The following NLRP5 variants were observed in gnomAD, a reference collection of about 807,000 sequenced individuals.
The protein encoded by NLRP5 is NLR family pyrin domain containing 5.
Under a neutral mutation model 113.1 loss-of-function variants are expected in NLRP5, and 93 were observed. The ratio of observed to expected loss-of-function variants is 0.82; its 90% CI spans 0.70 to 0.98. The LOEUF (loss-of-function observed/expected upper bound fraction) is 0.98. Ranked by LOEUF, NLRP5 falls within the 50% of genes least tolerant of loss-of-function variation. The pLI is 0.00. For synonymous variants in NLRP5, 751 were observed against 600.7 expected (o/e 1.25, Z -3.66); for missense variants, 1,808 against 1,514.3 (o/e 1.19, Z -3.22).
chr19:56,034,149 G>A (rs1047996063), intron 9 of NLRP5, among the ~76,000 whole-genome samples: 3 of 152,164 alleles, frequency 2.0e-5, no homozygotes, highest in African/African-American at 7.2e-5. Flanking sequence ...AGCACTTTGG[G>A]AGGCCGAGGC....
intron 10 of NLRP5, among the ~76,000 whole-genome samples, chr19:56,038,890 C>T (rs930830666): frequency 3.9e-5 from 6 of 152,200 alleles, no homozygotes; most frequent in Admixed American, 3.3e-4. Flanking sequence ...TAGCTCACTA[C>T]AGCCTCAACT....
intron 13 of NLRP5, among the ~76,000 whole-genome samples, chr19:56,055,767 A>T (rs8101585): frequency 1.3e-4 from 19 of 151,318 alleles, no homozygotes; most frequent in East Asian, 3.9e-4. Context: ...GGATGGTCTC[A>T]ATCTCCTGAC....
At chr19:56,057,368 C>A (rs1010007495) in intron 13 of NLRP5, among the ~76,000 whole-genome samples, 1 of 150,268 alleles carries the variant, frequency 6.7e-6, no homozygotes, top group African/African-American at 2.4e-5. Flanking sequence ...CTTTCTGTTG[C>A]TCTTAAGATG....
In NLRP5 at chr19:56,027,633, A is replaced by G. The variant is rs575337643; in HGVS notation, c.1400A>G (p.Gln467Arg). ...ATGAACAACCGTGAGCTGCTCGACC[A>G]GTGCCAGGTGCCCGCCGTGGGCTCT... The change falls in exon 7 of 15, where the codon CAG becomes CGG. Residue 467 changes from glutamine (Q) to arginine (R), a missense_variant. Gln to Arg is a conservative substitution (Grantham distance 43). Coordinates refer to ENST00000390649, the MANE Select transcript of NLRP5 (RefSeq NM_153447.4). 1.9e-6 allele frequency: 3 copies of G among 1,613,622 alleles called. No individual in the cohort carries two copies. Among genetic ancestry groups the G allele is most frequent in the Non-Finnish European group, 2.5e-6 (3 of 1,179,896 alleles).
intron 3 of NLRP5, among the ~76,000 whole-genome samples, chr19:56,014,463 A>G (rs1046528511): frequency 7.1e-6 from 1 of 140,520 alleles, no homozygotes; most frequent in Non-Finnish European, 1.5e-5. Context: ...CTGGTGACAG[A>G]GAAACGCTCC....
intron 6 of NLRP5, among the ~76,000 whole-genome samples, chr19:56,021,279 G>GTT (rs1442473396): frequency 6.6e-6 from 1 of 152,324 alleles, no homozygotes; most frequent in East Asian, 1.9e-4. Context: ...AGCCAAAGAT[G>GTT]TAAGAGCAGG....
At chr19:56,020,703 T>A (rs1323077479) in intron 6 of NLRP5, among the ~76,000 whole-genome samples, 1 of 147,106 alleles carries the variant, frequency 6.8e-6, no homozygotes, top group Non-Finnish European at 1.5e-5. Context: ...ACAACTTTGT[T>A]TGATGGATGT....
intron 12 of NLRP5, among the ~76,000 whole-genome samples, chr19:56,052,448 T>A (rs1455061031): frequency 6.6e-6 from 1 of 152,150 alleles, no homozygotes; most frequent in East Asian, 1.9e-4. Context: ...TTTTGTATTT[T>A]TAGTAGAGAC....
rs71296979 is a variant in NLRP5, at chr19:56,009,339, C to CAAAAAAAAAAAAAAAAAAAAA, written c.508+506_508+507insAAAAAAAAAAAAAAAAAAAAA. Among the ~76,000 whole-genome samples the CAAAAAAAAAAAAAAAAAAAAA allele has an allele frequency of 8.6e-4, 38 of 44,308 alleles. 7 individuals carry two copies. The East Asian group carries it at 0.011, about 12-fold the overall frequency. The allele number at this position is 44,308 out of a possible 152,430, so 29.1% of individuals were successfully genotyped here. On this transcript the variant is annotated intron_variant, in intron 3 of 14. Transcript: ENST00000390649. ...TGGGCGACAGAACGAGACTCCATCT[C>CAAAAAAAAAAAAAAAAAAAAA]AAAAAAAAAAAAAAAAAAAAGAGTT...
rs116895675 is a variant in NLRP5 at position 56,034,679 on chromosome 19, G to A, written c.2615+970G>A. Among the ~76,000 whole-genome samples, 144 of 152,150 alleles carry A rather than the reference G, an allele frequency of 9.5e-4. 1 individual carries two copies. The East Asian group carries it at 0.024, about 25-fold the overall frequency. ...AGTGAAATCGGTGTGGTACATCGTC[G>A]CCTGAAACTGGCTTTGCTCCATCAG... is the stretch of plus-strand genomic sequence containing the variant. On this transcript the variant is annotated intron_variant, in intron 9 of 14. Transcript: ENST00000390649.
At chr19:56,007,968 GGCTGTCGCCC>G (rs373448400) in intron 2 of NLRP5, among the ~76,000 whole-genome samples, 29,561 of 117,142 alleles carry the variant, frequency 0.25, 5,792 homozygotes, top group Non-Finnish European at 0.31. Flanking sequence ...GCCCAGGCTG[GGCTGTCGCCC>G]AGTGCAGTGG....
chr19:55,989,654 AC>A, the NLRP5 span, among the ~76,000 whole-genome samples: 2 of 152,006 alleles, frequency 1.3e-5, no homozygotes, highest in African/African-American at 4.8e-5. Flanking sequence ...TCTGCTCATC[AC>A]CCAAAGACAT....
At chr19:56,006,423 AT>A (rs200649208) in intron 2 of NLRP5, among the ~76,000 whole-genome samples, 92 of 150,036 alleles carry the variant, frequency 6.1e-4, no homozygotes, top group African/African-American at 2.3e-3. Context: ...TTAAAGTATA[AT>A]TTTAAAAAAA....
intron 2 of NLRP5, among the ~76,000 whole-genome samples, chr19:56,005,107 A>AATATATATATATATATAT (rs773360006): frequency 2.1e-5 from 2 of 95,344 alleles, no homozygotes; most frequent in African/African-American, 7.8e-5. Flanking sequence ...AAAAAAAAAA[A>AATATATATATATATATAT]ATATATATAT....
At chr19:55,997,036 T>C (rs1981348069), upstream of NLRP5, among the ~76,000 whole-genome samples, 1 of 152,180 alleles carries the variant, frequency 6.6e-6, no homozygotes, top group Admixed American at 6.5e-5. Flanking sequence ...TTCTAACTGG[T>C]GTGGGATGGT....
upstream of NLRP5, among the ~76,000 whole-genome samples, chr19:55,997,000 G>T (rs969773072): frequency 2.7e-5 from 4 of 149,202 alleles, no homozygotes; most frequent in African/African-American, 1.0e-4. Flanking sequence ...AGCACCTGTT[G>T]TTTCCTGACT....
rs1287197280 is a variant in NLRP5, at chr19:56,053,631, C to T, written c.3129-7C>T. ...GGCAGACTCTCTCTATTCCCCGCCT[C>T]TTGCAGGTTGGTAAAGTGTCATCTC... On this transcript the variant is annotated splice_polypyrimidine_tract_variant and splice_region_variant and intron_variant, in intron 12 of 14. Transcript: ENST00000390649. 1 of 1,611,568 alleles carries T rather than the reference C, an allele frequency of 6.2e-7. No homozygotes were observed. The highest frequency in any genetic ancestry group is 1.7e-5 in the Admixed American group (1 of 59,754).
At chr19:56,038,917 C>T (rs1056786475) in intron 10 of NLRP5, among the ~76,000 whole-genome samples, 2 of 152,182 alleles carry the variant, frequency 1.3e-5, no homozygotes, top group Non-Finnish European at 2.9e-5. Flanking sequence ...CCCAAGTGAT[C>T]CTCCCGTCTT....
At chr19:56,022,758 CTTG>C (rs1362104918) in intron 6 of NLRP5, among the ~76,000 whole-genome samples, 1 of 152,078 alleles carries the variant, frequency 6.6e-6, no homozygotes, top group Non-Finnish European at 1.5e-5. Flanking sequence ...GAGTTTAGCT[CTTG>C]TTGTCCAGGC....
Sources: gnomAD v4.1 joint callset for allele counts (sites outside exome capture counted in the v4.1 genomes callset) on GRCh38, gnomAD v4.1.1 for gene constraint, MANE v1.5 for transcripts, NCBI Gene and HGNC (gene_info 2026-07-23, HGNC 2026-07-21) for gene names.